Variants in XPNPEP2 observed in about 807,000 individuals in gnomAD.
The protein encoded by XPNPEP2 is xaa-Pro aminopeptidase 2.
A neutral mutation model predicts 59.8 loss-of-function variants in XPNPEP2; 64 were observed. That is an observed-to-expected ratio of 1.07 (90% confidence interval 0.87 to 1.32). The LOEUF is 1.32. Among genes scored for constraint, XPNPEP2 ranks in the 40% most tolerant of loss-of-function variants. The pLI is 0.00. For synonymous variants in XPNPEP2, 235 were observed against 210.0 expected, an observed-to-expected ratio of 1.12 and a Z score of -1.03; for missense variants, 575 against 546.8, an observed-to-expected ratio of 1.05 and a Z score of -0.51.
intron 14 of XPNPEP2, among the ~76,000 whole-genome samples, chrX:129,757,919 GAAA>G (rs1926581606): frequency 9.8e-6 from 1 of 101,759 alleles, no homozygotes; most frequent in Non-Finnish European, 2.0e-5. Flanking sequence ...AAGAAAGAAA[GAAA>G]GAAAGAAAGA....
In XPNPEP2 at chrX:129,768,661, G is replaced by A. The variant is rs1208531427; in HGVS notation, c.*176G>A. The A allele has an allele frequency of 5.0e-6, 2 of 399,274 alleles. No homozygotes were observed. Among genetic ancestry groups the A allele is most frequent in the Non-Finnish European group, 8.0e-6 (2 of 251,399 alleles). 32.9% of individuals were successfully genotyped at this position (399,274 alleles called of 1,213,427 possible). A position where few individuals can be genotyped will look rare whatever the true frequency, so the allele number is the denominator to read the frequency against. ...GAAGGTCCCAGGCCCCAGGAACACA[G>A]GGCTTCTTGGCCCCAGATGGCACCT... On this transcript the variant is annotated 3_prime_UTR_variant, in exon 21 of 21. Transcript: ENST00000371106.
chrX:129,742,198 C>G lies in XPNPEP2; in HGVS notation c.123+17C>G, dbSNP rs757187134. The G allele has an allele frequency of 1.1e-6, 1 of 883,266 alleles. No individual in the cohort carries two copies. The highest frequency in any genetic ancestry group is 1.5e-6 in the Non-Finnish European group (1 of 671,293). The allele number at this position is 883,266 out of a possible 1,213,427, so 72.8% of individuals were successfully genotyped here. ...AACCCCCCTGTGAGTGCCCCCTGCCCCCCGCGCACGGCCCCCCTGGCCCCA... is the reference window on the plus strand; with the variant it reads ...AACCCCCCTGTGAGTGCCCCCTGCCGCCCGCGCACGGCCCCCCTGGCCCCA... On this transcript the variant is annotated intron_variant, in intron 2 of 20. Coordinates refer to ENST00000371106, the MANE Select transcript of XPNPEP2 (RefSeq NM_003399.6).
Position 129,752,198 on chromosome X carries a change from G to T in XPNPEP2, c.870G>T (p.Leu290=), listed in dbSNP as rs1321729906. Residue 290 remains leucine, a synonymous_variant, in exon 10 of 21, where the codon CTG becomes CTT. Coordinates refer to ENST00000371106, the MANE Select transcript of XPNPEP2 (RefSeq NM_003399.6). ...SRFSSETLSY[L]NSSCTGPMCV... ...TTAGCTCCGAAACCTTGAGCTATCT[G>T]AACTCCAGTTGCACAGGCCCCATGT... 3 of 1,208,550 alleles carry T rather than the reference G, an allele frequency of 2.5e-6. No individual in the cohort carries two copies. Among genetic ancestry groups the T allele is most frequent in the African/African-American group, 3.5e-5 (2 of 57,130 alleles).
chrX:129,751,357 A>G (rs929923397), intron 8 of XPNPEP2, among the ~76,000 whole-genome samples: 3 of 108,105 alleles, frequency 2.8e-5, no homozygotes, highest in Non-Finnish European at 5.8e-5. Flanking sequence ...AAAATACAAA[A>G]ATTAGCTGGG....
At chrX:129,765,607 T>C (rs767921648) in intron 19 of XPNPEP2, among the ~76,000 whole-genome samples, 1 of 107,928 alleles carries the variant, frequency 9.3e-6, no homozygotes, top group Admixed American at 1.0e-4. Flanking sequence ...TTGTTTTGAC[T>C]TGTATTTCTT....
rs1402216650 is a variant in XPNPEP2, at chrX:129,768,738, C to T, written c.*253C>T. On this transcript the variant is annotated 3_prime_UTR_variant, in exon 21 of 21. Coordinates refer to ENST00000371106, the MANE Select transcript of XPNPEP2 (RefSeq NM_003399.6). ...ACCCTGGGCCCCTAATCCCAGGCCC[C>T]GAGATAGGAAAGCCAGCTAGTCTCT... is the stretch of plus-strand genomic sequence containing the variant. 6.9e-5 allele frequency: 19 copies of T among 276,484 alleles called. No homozygotes were observed. Among genetic ancestry groups the T allele is most frequent in the Non-Finnish European group, 1.2e-4 (19 of 158,090 alleles). The allele number at this position is 276,484 out of a possible 1,213,427, so 22.8% of individuals were successfully genotyped here.
At chrX:129,762,087 A>G (rs370997955) in intron 18 of XPNPEP2, 22 bp downstream of exon 18, 640 of 1,201,462 alleles carry the variant, frequency 5.3e-4, no homozygotes, top group Non-Finnish European at 6.6e-4. Flanking sequence ...AGGCCCCTCT[A>G]CCTCACCACC....
chrX:129,751,620 AAGGAAGGAAGGAAGGAAGGAAGGG>A (rs1381511182), intron 8 of XPNPEP2, 101 bp from the exon 9 acceptor site: 15 of 346,800 alleles, frequency 4.3e-5, no homozygotes, highest in Non-Finnish European at 7.0e-5. Context: ...GGAAGGAAGG[AAGGAAGGAAGGAAGGAAGGAAGGG>A]AGGAAGGAAA....
chrX:129,755,160 G>A (rs1262891383), intron 12 of XPNPEP2, 134 bp from the exon 13 acceptor site: 35 of 558,555 alleles, frequency 6.3e-5, no homozygotes, highest in Non-Finnish European at 1.0e-4. Context: ...AGGAGGTGAG[G>A]GCTGGGAGAG....
Position 129,742,149 on chromosome X carries a change from C to G in XPNPEP2, c.91C>G (p.Gln31Glu). ...CACAAAGCCAGTGGACCTTGGAGGG[C>G]AGGATGTGAGAAACTGTTCCACCAA... ...GHTKPVDLGG[Q>E]DVRNCSTNPP... is the part of the protein sequence containing the mutation. Residue 31 changes from glutamine (Q) to glutamate (E), a missense_variant, in exon 2 of 21, where the codon CAG becomes GAG. Gln to Glu is a conservative substitution (Grantham distance 29). Coordinates refer to ENST00000371106, the MANE Select transcript of XPNPEP2 (RefSeq NM_003399.6). 1 of 1,210,077 alleles carries G rather than the reference C, an allele frequency of 8.3e-7. No individual in the cohort carries two copies. Among genetic ancestry groups the G allele is most frequent in the South Asian group, 1.8e-5 (1 of 56,836 alleles).
At chrX:129,748,106 C>T (rs1926334111) in intron 7 of XPNPEP2, among the ~76,000 whole-genome samples, 1 of 112,169 alleles carries the variant, frequency 8.9e-6, no homozygotes, top group Non-Finnish European at 1.9e-5. Context: ...ATTTGCTTGC[C>T]TGGTGGCAGA....
intron 14 of XPNPEP2, among the ~76,000 whole-genome samples, chrX:129,758,000 T>C (rs859578): frequency 0.092 from 10,143 of 110,352 alleles, 772 homozygotes; most frequent in African/African-American, 0.24. Flanking sequence ...AACGTGTGAC[T>C]GATCATTCAC....
intron 12 of XPNPEP2, 31 bp downstream of exon 12, chrX:129,754,612 ACTGT>A: frequency 8.8e-7 from 1 of 1,138,733 alleles, no homozygotes. Flanking sequence ...TTTTTGGCTG[ACTGT>A]CTTTTAGTGT....
chrX:129,745,309 C>T (rs768077889), intron 4 of XPNPEP2, 43 bp downstream of exon 4: 2 of 1,197,762 alleles, frequency 1.7e-6, no homozygotes, highest in Non-Finnish European at 2.3e-6. Context: ...TTGGTAGATC[C>T]AGAGGTGGTC....
chrX:129,762,920 A>C (rs1602912231), intron 19 of XPNPEP2, 150 bp downstream of exon 19: 1 of 521,486 alleles, frequency 1.9e-6, no homozygotes, highest in East Asian at 3.6e-5. Flanking sequence ...GAATTCCATA[A>C]GTCAGACTTT....
chrX:129,747,234 A>G (rs964291800), intron 6 of XPNPEP2, among the ~76,000 whole-genome samples: 1 of 112,953 alleles, frequency 8.9e-6, no homozygotes, highest in Non-Finnish European at 1.9e-5. Flanking sequence ...CTTCTCTGCC[A>G]GCCTGTCCAA....
chrX:129,742,082 C>T, intron 1 of XPNPEP2, 26 bp from the exon 2 acceptor site: 2 of 1,201,301 alleles, frequency 1.7e-6, no homozygotes, highest in African/African-American at 1.7e-5. Flanking sequence ...CCCCAAATGA[C>T]CCTGGATTTT....
chrX:129,748,213 G>A (rs1926336127), intron 7 of XPNPEP2, among the ~76,000 whole-genome samples: 1 of 112,131 alleles, frequency 8.9e-6, no homozygotes, highest in South Asian at 3.7e-4. Flanking sequence ...TGGGCCAGGA[G>A]TGGACAGAGG....
chrX:129,760,362 G>A (rs1279749584), intron 15 of XPNPEP2, 150 bp from the exon 16 acceptor site: 3 of 543,279 alleles, frequency 5.5e-6, no homozygotes, highest in East Asian at 3.6e-5. Flanking sequence ...TCCAGAACCC[G>A]GGCAGCCACA....
Sources: allele counts gnomAD v4.1 joint callset (sites outside exome capture counted in the v4.1 genomes callset), GRCh38; gene constraint gnomAD v4.1.1; transcripts MANE v1.5; gene names NCBI Gene and HGNC (gene_info 2026-07-23, HGNC 2026-07-21).